The following ANKRD60 variants were observed in gnomAD, a reference collection of about 807,000 sequenced individuals.
The protein encoded by ANKRD60 is ankyrin repeat domain 60, also known as ankyrin repeat domain-containing protein 60.
In ANKRD60, 24 loss-of-function variants were observed where a neutral mutation model predicts 21.3. That is an observed-to-expected ratio of 1.13 (90% confidence interval 0.82 to 1.59). The LOEUF is 1.59. ANKRD60 is among the 40% of genes most tolerant of loss of function. The pLI is 0.00. For synonymous variants in ANKRD60, 182 were observed against 199.4 expected (o/e 0.91, Z 0.74); for missense variants, 490 against 466.7 (o/e 1.05, Z -0.46).
intron 1 of ANKRD60, among the ~76,000 whole-genome samples, chr20:58,226,349 C>T (rs1322183741): frequency 2.0e-5 from 3 of 152,018 alleles, no homozygotes; most frequent in South Asian, 2.1e-4. Flanking sequence ...GATGTAGCCC[C>T]GAGTAGTGTA....
intron 3 of ANKRD60, among the ~76,000 whole-genome samples, 197 bp downstream of exon 3, chr20:58,221,141 G>T (rs1204985792): frequency 6.6e-6 from 1 of 152,172 alleles, no homozygotes; most frequent in Non-Finnish European, 1.5e-5. Context: ...GAGAAGGAGG[G>T]CAGCCTCTGA....
chr20:58,222,909 T>C, intron 2 of ANKRD60, 143 bp downstream of exon 2: 1 of 1,113,724 alleles, frequency 9.0e-7, no homozygotes, highest in African/African-American at 1.6e-5. Flanking sequence ...GTGCGGTATT[T>C]CATAATTATG....
chr20:58,222,264 G>T (rs549863885), intron 2 of ANKRD60, among the ~76,000 whole-genome samples: 1 of 152,226 alleles, frequency 6.6e-6, no homozygotes, highest in Non-Finnish European at 1.5e-5. Flanking sequence ...GGGACTAGGA[G>T]ATGTGTCAGG....
downstream of ANKRD60, among the ~76,000 whole-genome samples, chr20:58,216,773 A>C (rs1789232417): frequency 6.6e-6 from 1 of 152,246 alleles, no homozygotes; most frequent in African/African-American, 2.4e-5. Context: ...GGAAGTGGGA[A>C]AGGGTGGCCA....
chr20:58,219,407 C>T (rs1984199124), intron 3 of ANKRD60, among the ~76,000 whole-genome samples: 1 of 152,150 alleles, frequency 6.6e-6, no homozygotes, highest in Non-Finnish European at 1.5e-5. Context: ...CTCATAAACT[C>T]CAGGAGGGCA....
chr20:58,220,681 C>A (rs1984231420), intron 3 of ANKRD60, among the ~76,000 whole-genome samples: 1 of 125,606 alleles, frequency 8.0e-6, no homozygotes, highest in African/African-American at 3.1e-5. Flanking sequence ...GGGGTTTTTT[C>A]TAGTGTGTGT....
intron 3 of ANKRD60, among the ~76,000 whole-genome samples, chr20:58,219,208 A>T (rs1308833606): frequency 1.3e-5 from 2 of 151,972 alleles, no homozygotes; most frequent in East Asian, 3.9e-4. Context: ...CATTCACAAC[A>T]TTCTCACCCA....
At chr20:58,227,897 G>A (rs1242068478) in intron 1 of ANKRD60, among the ~76,000 whole-genome samples, 1 of 152,134 alleles carries the variant, frequency 6.6e-6, no homozygotes, top group Non-Finnish European at 1.5e-5. Flanking sequence ...GCTTCTGGGG[G>A]GTCCTGGCTT....
intron 3 of ANKRD60, 104 bp from the exon 4 acceptor site, chr20:58,218,909 G>C: frequency 8.9e-7 from 1 of 1,118,842 alleles, no homozygotes; most frequent in Non-Finnish European, 1.2e-6. Flanking sequence ...CCTGCTGCCT[G>C]GCCCAGCTCC....
intron 1 of ANKRD60, among the ~76,000 whole-genome samples, chr20:58,227,140 TA>T (rs1457154851): frequency 1.3e-5 from 2 of 152,122 alleles, no homozygotes; most frequent in Non-Finnish European, 2.9e-5. Context: ...GGGGTTCTAA[TA>T]GTCACATAAT....
chr20:58,221,179 A>G (rs1318561021), intron 3 of ANKRD60, among the ~76,000 whole-genome samples, 159 bp downstream of exon 3: 1 of 152,160 alleles, frequency 6.6e-6, no homozygotes, highest in South Asian at 2.1e-4. Flanking sequence ...ACTTGCCTAG[A>G]CAGGGAGTGA....
rs886230980 is a variant in ANKRD60, at chr20:58,228,185, C to G, written c.430+39G>C. ...CCACTTCAGAAGTGGACAGGGTGCC[C>G]TTGCATGTGGCCAGGGAAGGAGTCA... On this transcript the variant is annotated intron_variant, in intron 1 of 3. Transcript: ENST00000457363. The surrounding 1 kb of genome is among the most constrained non-coding windows in gnomAD (Gnocchi z 5.3). 2.0e-6 allele frequency: 3 copies of G among 1,511,894 alleles called. No individual in the cohort carries two copies. Among genetic ancestry groups the G allele is most frequent in the Non-Finnish European group, 2.7e-6 (3 of 1,122,640 alleles). 93.7% of individuals were successfully genotyped at this position (1,511,894 alleles called of 1,614,324 possible). A position where few individuals can be genotyped will look rare whatever the true frequency, so the allele number is the denominator to read the frequency against.
chr20:58,226,176 C>A (rs1024753357), intron 1 of ANKRD60, among the ~76,000 whole-genome samples: 10 of 152,130 alleles, frequency 6.6e-5, no homozygotes, highest in African/African-American at 2.4e-4. Flanking sequence ...TAGATAGCAG[C>A]ATTTGCTTTG....
At chr20:58,221,575 A>C in intron 2 of ANKRD60, 72 bp from the exon 3 acceptor site, 1 of 1,479,816 alleles carries the variant, frequency 6.8e-7, no homozygotes, top group Non-Finnish European at 9.2e-7. Flanking sequence ...CTGATGGGGC[A>C]TGCTCAGGGG....
At chr20:58,222,592 C>G (rs920015600) in intron 2 of ANKRD60, among the ~76,000 whole-genome samples, 13 of 152,204 alleles carry the variant, frequency 8.5e-5, no homozygotes, top group Non-Finnish European at 1.8e-4. Flanking sequence ...GAGAGGCCAG[C>G]AGGAGCCCTG....
intron 3 of ANKRD60, among the ~76,000 whole-genome samples, chr20:58,219,455 C>T (rs557151669): frequency 2.4e-4 from 37 of 152,244 alleles, no homozygotes; most frequent in African/African-American, 7.2e-4. Flanking sequence ...GTTCTCATCC[C>T]GAGCACATAG....
downstream of ANKRD60, among the ~76,000 whole-genome samples, chr20:58,216,172 T>G (rs1383378078): frequency 6.6e-6 from 1 of 152,184 alleles, no homozygotes; most frequent in African/African-American, 2.4e-5. Context: ...TGATACAGAC[T>G]TGTTGAATAT....
At chr20:58,218,742 C>G (rs1245858668) in exon 4 of ANKRD60, 1 of 1,551,380 alleles carries the variant, frequency 6.4e-7, no homozygotes. Flanking sequence ...GTCTGACCGG[C>G]CCATAGCTGC....
intron 1 of ANKRD60, among the ~76,000 whole-genome samples, 158 bp from the exon 2 acceptor site, chr20:58,223,340 G>T (rs760784781): frequency 7.9e-5 from 12 of 152,216 alleles, no homozygotes; most frequent in Admixed American, 2.0e-4. Context: ...GGGTCTGTCT[G>T]TTGTTGGTAA....
Sources: gnomAD v4.1 joint callset for allele counts (sites outside exome capture counted in the v4.1 genomes callset) on GRCh38, gnomAD v4.1.1 for gene constraint, Gnocchi (gnomAD v3.1) non-coding constraint, MANE v1.5 for transcripts, NCBI Gene and HGNC (gene_info 2026-07-23, HGNC 2026-07-21) for gene names.